The following TUSC3 variants were observed in gnomAD, a reference collection of about 807,000 sequenced individuals.
The protein encoded by TUSC3 is tumor suppressor candidate 3, also known as dolichyl-diphosphooligosaccharide--protein glycosyltransferase subunit TUSC3.
TUSC3 carries 45 observed loss-of-function variants against 44.8 expected under a neutral mutation model. That is an observed-to-expected ratio of 1.00 (90% CI 0.79 to 1.29). TUSC3 has a LOEUF of 1.29. Ranked by LOEUF, TUSC3 falls within the 50% of genes most tolerant of loss-of-function variation. The pLI is 0.00. For synonymous variants in TUSC3, 212 were observed against 152.9 expected, an observed-to-expected ratio of 1.39 and a Z score of -2.85; for missense variants, 519 against 437.9, an observed-to-expected ratio of 1.19 and a Z score of -1.65.
intron 5 of TUSC3, among the ~76,000 whole-genome samples, chr8:15,668,129 T>C (rs1239774772): frequency 1.3e-5 from 2 of 151,808 alleles, no homozygotes; most frequent in Non-Finnish European, 1.5e-5. Context: ...ATCTGTTTTG[T>C]ACATGTAGCC....
intron 9 of TUSC3, chr8:15,748,751 CTTCCCTTAG>C: frequency 1.7e-6 from 1 of 575,278 alleles, no homozygotes; most frequent in South Asian, 1.4e-5. Context: ...AAATTTTTAT[CTTCCCTTAG>C]TTTGTCGTGA....
intron 7 of TUSC3, among the ~76,000 whole-genome samples, chr8:15,738,411 C>G (rs1054424042): frequency 6.6e-6 from 1 of 152,136 alleles, no homozygotes; most frequent in African/African-American, 2.4e-5. Context: ...GTTTGGCAAA[C>G]TAGGACCAGT....
intron 10 of TUSC3, among the ~76,000 whole-genome samples, chr8:15,760,796 C>A (rs1168515375): frequency 6.6e-6 from 1 of 152,166 alleles, no homozygotes; most frequent in Middle Eastern, 3.2e-3. Flanking sequence ...AATGTGCTAA[C>A]TCCCGGTTTA....
At chr8:15,539,395 C>G (rs1801596088), upstream of TUSC3, among the ~76,000 whole-genome samples, 1 of 124,930 alleles carries the variant, frequency 8.0e-6, no homozygotes, top group African/African-American at 3.1e-5. Context: ...TTCTGTCTCC[C>G]AGGCTGGAGT....
At chr8:15,731,560 T>A (rs2129208532) in intron 7 of TUSC3, among the ~76,000 whole-genome samples, 1 of 152,274 alleles carries the variant, frequency 6.6e-6, no homozygotes, top group African/African-American at 2.4e-5. Flanking sequence ...GTAGGAACAC[T>A]AGAGCCCACA....
chr8:15,707,892 A>C (rs1161806480), intron 6 of TUSC3, among the ~76,000 whole-genome samples: 16 of 152,054 alleles, frequency 1.1e-4, no homozygotes, highest in Non-Finnish European at 4.4e-5. Flanking sequence ...GAACCATCCC[A>C]TGCCTCTTTC....
intron 6 of TUSC3, among the ~76,000 whole-genome samples, chr8:15,698,694 C>G (rs76433027): frequency 6.6e-6 from 1 of 152,128 alleles, no homozygotes; most frequent in Admixed American, 6.6e-5. Context: ...TCTCTCATTA[C>G]TAGGTGAAAA....
intron 1 of TUSC3, among the ~76,000 whole-genome samples, chr8:15,455,467 GTATACATGTA>G: frequency 7.8e-6 from 1 of 129,022 alleles, no homozygotes; most frequent in East Asian, 2.5e-4. Flanking sequence ...ACACACCTAT[GTATACATGTA>G]TATATGTGTA....
rs144361411 is a variant in TUSC3, at chr8:15,448,681, A to G, written n.91+31376A>G. On this transcript the variant is annotated intron_variant and non_coding_transcript_variant, in intron 1 of 5. Transcript: ENST00000503191. ...AAATAAATAATGTGTCTAACACGTA[A>G]ATTATTAGACAAGTGTTAAAATTTG... Among the ~76,000 whole-genome samples the G allele has an allele frequency of 2.7e-3, 417 of 152,320 alleles. 2 individuals are homozygous for G. In the East Asian group the frequency reaches 0.046, roughly 17 times the overall value.
chr8:15,838,721 T>C, the TUSC3 span, among the ~76,000 whole-genome samples: 411 of 152,324 alleles, frequency 2.7e-3, 2 homozygotes, highest in African/African-American at 9.4e-3. Flanking sequence ...TCTATATCTC[T>C]GTTTTGGTAC....
chr8:15,669,822 A>T (rs183951046), intron 5 of TUSC3, among the ~76,000 whole-genome samples: 2 of 151,844 alleles, frequency 1.3e-5, no homozygotes, highest in African/African-American at 2.4e-5. Context: ...GACCCTGAGC[A>T]TTGCATTAAG....
At chr8:15,432,895 G>A (rs1431147764) in intron 1 of TUSC3, among the ~76,000 whole-genome samples, 2 of 152,164 alleles carry the variant, frequency 1.3e-5, no homozygotes, top group Non-Finnish European at 2.9e-5. Flanking sequence ...ACCCCGGTAG[G>A]TTAGCCTCTG....
At chr8:15,542,756 A>T (rs1801733705) in intron 1 of TUSC3, among the ~76,000 whole-genome samples, 1 of 152,232 alleles carries the variant, frequency 6.6e-6, no homozygotes, top group South Asian at 2.1e-4. Context: ...AACATTGTTG[A>T]GGATTAAAAA....
chr8:15,851,427 A>G, the TUSC3 span, among the ~76,000 whole-genome samples: 10 of 152,222 alleles, frequency 6.6e-5, no homozygotes, highest in East Asian at 1.5e-3. Flanking sequence ...GCAACTTACC[A>G]TAAAATTACA....
At chr8:15,688,234 G>GA (rs1364719430) in intron 6 of TUSC3, among the ~76,000 whole-genome samples, 2 of 151,928 alleles carry the variant, frequency 1.3e-5, no homozygotes, top group Admixed American at 6.6e-5. Context: ...ATTCAGGATT[G>GA]AAAAAAGCGT....
intron 7 of TUSC3, among the ~76,000 whole-genome samples, chr8:15,732,960 C>A (rs1221799039): frequency 6.6e-6 from 1 of 152,070 alleles, no homozygotes; most frequent in African/African-American, 2.4e-5. Flanking sequence ...TGCCTGTATG[C>A]TTTATGGTTT....
intron 1 of TUSC3, among the ~76,000 whole-genome samples, chr8:15,559,177 C>T (rs1056083562): frequency 1.4e-4 from 20 of 141,640 alleles, no homozygotes; most frequent in Non-Finnish European, 1.7e-4. Context: ...GCTTTGAATG[C>T]GTCCCAGAGA....
intron 2 of TUSC3, among the ~76,000 whole-genome samples, chr8:15,485,426 G>A (rs1158707120): frequency 6.7e-6 from 1 of 149,274 alleles, no homozygotes; most frequent in Non-Finnish European, 1.5e-5. Flanking sequence ...TATAACATGG[G>A]TTTATCACAG....
At chr8:15,669,928 A>C (rs918806577) in intron 5 of TUSC3, among the ~76,000 whole-genome samples, 4 of 151,694 alleles carry the variant, frequency 2.6e-5, no homozygotes, top group Non-Finnish European at 3.0e-5. Context: ...AATTAGACCT[A>C]ATTCGTAAAT....
Sources: gnomAD v4.1 joint callset for allele counts (sites outside exome capture counted in the v4.1 genomes callset) on GRCh38, gnomAD v4.1.1 for gene constraint, MANE v1.5 for transcripts, NCBI Gene and HGNC (gene_info 2026-07-23, HGNC 2026-07-21) for gene names.